The following ZNF740 variants were observed in gnomAD, a reference collection of about 807,000 sequenced individuals.
The protein encoded by ZNF740 is oriLyt TD-element-binding protein 7.
A neutral mutation model predicts 24.8 loss-of-function variants in ZNF740; 14 were observed. The ratio of observed to expected loss-of-function variants is 0.56; its 90% CI spans 0.37 to 0.88. The LOEUF (loss-of-function observed/expected upper bound fraction) is 0.88, where lower values mean the gene tolerates loss of function less well. Ranked by LOEUF, ZNF740 falls within the 40% of genes least tolerant of loss-of-function variation. The pLI, the probability that ZNF740 is intolerant of heterozygous loss-of-function variation, is 0.00. For synonymous variants in ZNF740, 69 were observed against 84.0 expected (o/e 0.82, Z 0.98); for missense variants, 201 against 247.9 (o/e 0.81, Z 1.27).
At position 53,192,108 on chromosome 12, in the gene ZNF740, C is replaced by T; in HGVS notation, c.*4518C>T. 2 of 1,468,214 alleles carry T rather than the reference C, an allele frequency of 1.4e-6. No individual in the cohort carries two copies. Among genetic ancestry groups the T allele is most frequent in the East Asian group, 2.4e-5 (1 of 42,206 alleles). The allele number at this position is 1,468,214 out of a possible 1,614,324, so 90.9% of individuals were successfully genotyped here. A position where few individuals can be genotyped will look rare whatever the true frequency, so the allele number is the denominator to read the frequency against. ...CACAGTGTGTCCAGCCTGTCCAACC[C>T]TGTCTGTCACTGAAAGCAAAGGGAA... On this transcript the variant is annotated 3_prime_UTR_variant, in exon 7 of 7. Transcript: ENST00000416904.
rs1258934194 is a variant in ZNF740, at chr12:53,192,420, T to C, written c.*4830T>C. Reference sequence around the variant, plus strand: ...AGCTGGTTGTCCAGGGTCCGCTCTTTGCACCAGCCATCATCCAAGATAGGG... The same window carrying C: ...AGCTGGTTGTCCAGGGTCCGCTCTTCGCACCAGCCATCATCCAAGATAGGG... On this transcript the variant is annotated 3_prime_UTR_variant, in exon 7 of 7. Transcript: ENST00000416904. 1 of 1,613,994 alleles carries C rather than the reference T, an allele frequency of 6.2e-7. No individual in the cohort carries two copies. The highest frequency in any genetic ancestry group is 1.3e-5 in the African/African-American group (1 of 74,958).
At position 53,194,018 on chromosome 12, in the gene ZNF740, A is replaced by T; in HGVS notation, c.*6428A>T. On this transcript the variant is annotated 3_prime_UTR_variant, in exon 7 of 7. Transcript: ENST00000416904. ...AATGAAGGGATGGGGTCATGTTAACACCCAACTCCTAGAAACATGCCTGAG... is the reference window on the plus strand; with the variant it reads ...AATGAAGGGATGGGGTCATGTTAACTCCCAACTCCTAGAAACATGCCTGAG... The T allele has an allele frequency of 7.7e-7, 1 of 1,303,970 alleles. No homozygotes were observed. The allele number at this position is 1,303,970 out of a possible 1,614,324, so 80.8% of individuals were successfully genotyped here.
chr12:53,192,543 G>T lies in ZNF740; in HGVS notation c.*4953G>T, dbSNP rs753622565. 6.2e-7 allele frequency: 1 copy of T among 1,613,140 alleles called. No individual in the cohort carries two copies. The highest frequency in any genetic ancestry group is 8.5e-7 in the Non-Finnish European group (1 of 1,179,700). On this transcript the variant is annotated 3_prime_UTR_variant, in exon 7 of 7. Coordinates refer to ENST00000416904, the MANE Select transcript of ZNF740 (RefSeq NM_001004304.4). ...GCCCCACACTCTGCACAGTCCCTGT[G>T]TAGTAGATGCCAATAGGTTACCAGC... is the stretch of plus-strand genomic sequence containing the variant.
rs150910345 is a variant in ZNF740 at position 53,191,604 on chromosome 12, C to T, written c.*4014C>T. 537 of 1,613,744 alleles carry T rather than the reference C, an allele frequency of 3.3e-4. No homozygotes were observed. The highest frequency in any genetic ancestry group is 3.1e-3 in the Middle Eastern group (19 of 6,062). On this transcript the variant is annotated 3_prime_UTR_variant, in exon 7 of 7. Coordinates refer to ENST00000416904, the MANE Select transcript of ZNF740 (RefSeq NM_001004304.4). The stretch of plus-strand genomic sequence containing the variant: ...CTTGAAAGCGAGGATTGATGGTGGT[C>T]GTGATGGCACTTTTGTAGAGAGGAT...
chr12:53,190,686 T>G lies in ZNF740; in HGVS notation c.*3096T>G, dbSNP rs572964908. ...CTCTCCACCCTGTTTTTTGTTTTTT[T>G]TTTTTTTAAATAATATTTTGCTATG... On this transcript the variant is annotated 3_prime_UTR_variant, in exon 7 of 7. Coordinates refer to ENST00000416904, the MANE Select transcript of ZNF740 (RefSeq NM_001004304.4). 1.4e-4 allele frequency: 21 copies of G among 152,238 alleles called. No homozygotes were observed. The highest frequency in any genetic ancestry group is 2.4e-4 in the African/African-American group (10 of 41,486). 9.4% of individuals were successfully genotyped at this position (152,238 alleles called of 1,614,324 possible).
Position 53,185,975 on chromosome 12 carries a change from G to T in ZNF740, c.271G>T (p.Gly91Cys). 1 of 1,613,752 alleles carries T rather than the reference G, an allele frequency of 6.2e-7. No homozygotes were observed. The highest frequency in any genetic ancestry group is 1.1e-5 in the South Asian group (1 of 91,030). Residue 91 changes from glycine (G) to cysteine (C), a missense_variant, in exon 5 of 7, where the codon GGT becomes TGT. Gly to Cys is a radical substitution (Grantham distance 159, BLOSUM62 -3). Transcript: ENST00000416904. ...CCAGGTGGTGGTAGTGGAACAAAAT[G>T]GTTCTTTTCAAGTAAAGATTCCCAA... ...VKKVVVVEQNGSFQVKIPKNF... is the reference protein window; with the variant it reads ...VKKVVVVEQNCSFQVKIPKNF...
intron 1 of ZNF740, chr12:53,181,236 A>T: frequency 1.0e-6 from 1 of 985,372 alleles, no homozygotes; most frequent in African/African-American, 1.7e-5. Flanking sequence ...CTTCGGGCGG[A>T]CGGGGAGAAC....
At position 53,180,799 on chromosome 12, in the gene ZNF740, C is replaced by T. The variant is rs1412457390; in HGVS notation, c.-346C>T. ...GTGTGCTGGGGCCTGGAGGAGGCGC[C>T]GCGCGGCCAGGGAGCCAGCGGGAGG... On this transcript the variant is annotated 5_prime_UTR_variant, in exon 1 of 7. Transcript: ENST00000416904. 7.9e-7 allele frequency: 1 copy of T among 1,271,300 alleles called. No homozygotes were observed. The highest frequency in any genetic ancestry group is 1.0e-6 in the Non-Finnish European group (1 of 981,798). 78.8% of individuals were successfully genotyped at this position (1,271,300 alleles called of 1,614,324 possible). A position where few individuals can be genotyped will look rare whatever the true frequency, so the allele number is the denominator to read the frequency against.
At chr12:53,181,627 G>T in intron 1 of ZNF740, 50 bp from the exon 2 acceptor site, 2 of 503,158 alleles carry the variant, frequency 4.0e-6, no homozygotes, top group Non-Finnish European at 2.7e-6. Flanking sequence ...ACGTTGTAAT[G>T]GCCTGAAGAT....
In ZNF740 at chr12:53,194,475, G is replaced by T; in HGVS notation, c.*6885G>T. 3.5e-6 allele frequency: 3 copies of T among 855,044 alleles called. No homozygotes were observed. The highest frequency in any genetic ancestry group is 3.3e-5 in the South Asian group (2 of 60,416). The allele number at this position is 855,044 out of a possible 1,614,324, so 53.0% of individuals were successfully genotyped here. On this transcript the variant is annotated 3_prime_UTR_variant, in exon 7 of 7. Coordinates refer to ENST00000416904, the MANE Select transcript of ZNF740 (RefSeq NM_001004304.4). Reference sequence around the variant, plus strand: ...TGCCACCTGGGGCTCCTTCCATTCTGCCCAGTCGAGGCATTTCTGGAGGGA... The same window carrying T: ...TGCCACCTGGGGCTCCTTCCATTCTTCCCAGTCGAGGCATTTCTGGAGGGA...
chr12:53,182,976 T>A (rs1941720629), intron 2 of ZNF740, among the ~76,000 whole-genome samples: 1 of 152,164 alleles, frequency 6.6e-6, no homozygotes, highest in African/African-American at 2.4e-5. Flanking sequence ...TGCACACATC[T>A]CCAGAGCTTC....
intron 3 of ZNF740, 116 bp downstream of exon 3, chr12:53,185,156 T>C: frequency 1.3e-6 from 2 of 1,491,952 alleles, no homozygotes; most frequent in Non-Finnish European, 1.8e-6. Flanking sequence ...GGCAAGGGGA[T>C]CCAACTGGGG....
chr12:53,181,079 A>C, intron 1 of ZNF740: 1 of 845,708 alleles, frequency 1.2e-6, no homozygotes, highest in Non-Finnish European at 1.4e-6. Flanking sequence ...GGGCGCGAGC[A>C]CGCATCTCGC....
chr12:53,182,016 C>T, intron 2 of ZNF740, 24 bp downstream of exon 2: 2 of 1,605,274 alleles, frequency 1.2e-6, no homozygotes, highest in South Asian at 1.1e-5. Flanking sequence ...GAGTCCTCCT[C>T]CAAGATAACT....
In ZNF740 at chr12:53,192,424, C is replaced by A; in HGVS notation, c.*4834C>A. On this transcript the variant is annotated 3_prime_UTR_variant, in exon 7 of 7. Transcript: ENST00000416904. ...GGTTGTCCAGGGTCCGCTCTTTGCA[C>A]CAGCCATCATCCAAGATAGGGGCCA... is the stretch of plus-strand genomic sequence containing the variant. 6.2e-7 allele frequency: 1 copy of A among 1,614,122 alleles called. No homozygotes were observed. Among genetic ancestry groups the A allele is most frequent in the Non-Finnish European group, 8.5e-7 (1 of 1,180,040 alleles).
Position 53,193,034 on chromosome 12 carries a change from C to T in ZNF740, c.*5444C>T, listed in dbSNP as rs1235551296. ...TGCCAACCACACCCTCTAACCCATA[C>T]ACCGGAATCTTTTGATATTTGCCTT... On this transcript the variant is annotated 3_prime_UTR_variant, in exon 7 of 7. Coordinates refer to ENST00000416904, the MANE Select transcript of ZNF740 (RefSeq NM_001004304.4). 10 of 1,368,386 alleles carry T rather than the reference C, an allele frequency of 7.3e-6. No homozygotes were observed. The allele number at this position is 1,368,386 out of a possible 1,614,324, so 84.8% of individuals were successfully genotyped here.
In ZNF740 at chr12:53,190,289, A is replaced by T. The variant is rs1370223525; in HGVS notation, c.*2699A>T. 3.9e-5 allele frequency: 6 copies of T among 152,602 alleles called. No individual in the cohort carries two copies. Among genetic ancestry groups the T allele is most frequent in the Non-Finnish European group, 1.5e-5 (1 of 68,066 alleles). 9.5% of individuals were successfully genotyped at this position (152,602 alleles called of 1,614,324 possible). On this transcript the variant is annotated 3_prime_UTR_variant, in exon 7 of 7. Transcript: ENST00000416904. Reference sequence around the variant, plus strand: ...CAGAGGCTCCTGGGCCCAATGCCCGACCCCTGCTGGCCAGCATGGGGCCTA... The same window carrying T: ...CAGAGGCTCCTGGGCCCAATGCCCGTCCCCTGCTGGCCAGCATGGGGCCTA...
chr12:53,181,439 C>G lies in ZNF740; in HGVS notation c.-307-238C>G, dbSNP rs1941629061. On this transcript the variant is annotated intron_variant, in intron 1 of 6. Coordinates refer to ENST00000416904, the MANE Select transcript of ZNF740 (RefSeq NM_001004304.4). ...TTCCTGAGATGGCAAATCCAAGCAACTTTCCTTTTGGCAGAGTTCCTCCAT... is the reference window on the plus strand; with the variant it reads ...TTCCTGAGATGGCAAATCCAAGCAAGTTTCCTTTTGGCAGAGTTCCTCCAT... 6 of 985,470 alleles carry G rather than the reference C, an allele frequency of 6.1e-6. No individual in the cohort carries two copies. The South Asian group carries it at 2.3e-4, about 39-fold the overall frequency. 61.0% of individuals were successfully genotyped at this position (985,470 alleles called of 1,614,324 possible).
At chr12:53,184,347 C>T (rs890113116) in intron 2 of ZNF740, among the ~76,000 whole-genome samples, 1 of 152,052 alleles carries the variant, frequency 6.6e-6, no homozygotes, top group Non-Finnish European at 1.5e-5. Context: ...TGCCACCACA[C>T]CTGGCTAATT....
Sources: allele counts gnomAD v4.1 joint callset (sites outside exome capture counted in the v4.1 genomes callset), GRCh38; gene constraint gnomAD v4.1.1; transcripts MANE v1.5; gene names NCBI Gene and HGNC (gene_info 2026-07-23, HGNC 2026-07-21).